The following UBA3 variants were observed in gnomAD, a reference collection of about 807,000 sequenced individuals.
UBA3 encodes the protein NEDD8-activating enzyme E1 catalytic subunit.
In UBA3, 26 loss-of-function variants were observed where a neutral mutation model predicts 73.5. The observed-to-expected ratio is 0.35, with a 90% CI of 0.26 to 0.49. UBA3 has a LOEUF of 0.49. UBA3 is among the 20% of genes least tolerant of loss of function. The pLI, the probability that UBA3 is intolerant of heterozygous loss-of-function variation, is 0.98. For missense variants in UBA3, 495 were observed against 555.6 expected (o/e 0.89, Z 1.10); for synonymous variants, 217 against 191.2 (o/e 1.13, Z -1.11).
rs151051627 is a variant in UBA3 at position 69,071,091 on chromosome 3, T to C, written c.347+444A>G. 469 of 159,166 alleles carry C rather than the reference T, an allele frequency of 2.9e-3. 3 individuals are homozygous for C. Among genetic ancestry groups the C allele is most frequent in the African/African-American group, 0.011 (454 of 41,598 alleles). 9.9% of individuals were successfully genotyped at this position (159,166 alleles called of 1,614,324 possible). ...CGACTTTCCATTTTCTTTCCCCTTG[T>C]AGGAAAAGCTCAAACTCTTTCCCAA... On this transcript the variant is annotated intron_variant, in intron 5 of 17. Coordinates refer to ENST00000361055, the MANE Select transcript of UBA3 (RefSeq NM_003968.4).
intron 4 of UBA3, among the ~76,000 whole-genome samples, chr3:69,073,018 T>C (rs2092134382): frequency 6.6e-6 from 1 of 151,850 alleles, no homozygotes; most frequent in South Asian, 2.1e-4. Flanking sequence ...CGTTGTCTCT[T>C]GTCTAGAGGA....
intron 2 of UBA3, chr3:69,079,796 C>T: frequency 2.5e-6 from 1 of 395,476 alleles, no homozygotes. Flanking sequence ...AGGGTCACTG[C>T]TCTGACAATT....
At chr3:69,076,840 G>A (rs563959740) in intron 3 of UBA3, among the ~76,000 whole-genome samples, 13 of 149,508 alleles carry the variant, frequency 8.7e-5, no homozygotes, top group African/African-American at 2.5e-4. Context: ...TGATCCTCCC[G>A]CCTTGACCTC....
At chr3:69,067,147 A>C (rs2092078555) in intron 6 of UBA3, among the ~76,000 whole-genome samples, 1 of 152,238 alleles carries the variant, frequency 6.6e-6, no homozygotes, top group Non-Finnish European at 1.5e-5. Flanking sequence ...ATATGTATAC[A>C]AATTTAGGGA....
At chr3:69,064,029 AAGAATC>A (rs1432425623) in intron 7 of UBA3, 33 bp downstream of exon 7, 2 of 1,549,338 alleles carry the variant, frequency 1.3e-6, no homozygotes, top group East Asian at 4.6e-5. Flanking sequence ...AAAAAATTCT[AAGAATC>A]TAGTGAGCAT....
rs1327258841 is a variant in UBA3, at chr3:69,061,917, T to C, written c.807A>G (p.Pro269=). 5 of 1,590,814 alleles carry C rather than the reference T, an allele frequency of 3.1e-6. No homozygotes were observed. The highest frequency in any genetic ancestry group is 1.7e-4 in the Middle Eastern group (1 of 5,924). Residue 269 remains proline (P), a synonymous_variant, in exon 11 of 18, where the codon CCA becomes CCG. Coordinates refer to ENST00000361055, the MANE Select transcript of UBA3 (RefSeq NM_003968.4). The stretch of plus-strand genomic sequence containing the variant: ...TATGTTCAGGATCATCTCCATCTAA[T>C]GGAACCCCTTCTGTTTAAAAAAAAA... ...PKEQPFGEGV[P]LDGDDPEHIQ...
chr3:69,078,035 G>C, intron 2 of UBA3, 117 bp from the exon 3 acceptor site: 1 of 1,277,218 alleles, frequency 7.8e-7, no homozygotes, highest in Non-Finnish European at 1.0e-6. Context: ...CAAATAAAAA[G>C]GAAAATATTC....
At chr3:69,059,221 T>C (rs1165963343) in intron 11 of UBA3, among the ~76,000 whole-genome samples, 3 of 152,044 alleles carry the variant, frequency 2.0e-5, no homozygotes, top group Non-Finnish European at 2.9e-5. Context: ...TGCAGTCCAT[T>C]AGAGAGAATG....
intron 9 of UBA3, 32 bp from the exon 10 acceptor site, chr3:69,062,211 T>G (rs2092027833): frequency 7.2e-7 from 1 of 1,387,378 alleles, no homozygotes; most frequent in African/African-American, 1.4e-5. Context: ...TTCAGTGAAT[T>G]TTAAACGAAT....
chr3:69,058,206 C>T (rs1468994119), intron 11 of UBA3, among the ~76,000 whole-genome samples: 1 of 152,152 alleles, frequency 6.6e-6, no homozygotes, highest in African/African-American at 2.4e-5. Context: ...CTGGGACTCA[C>T]ATTTTTCACA....
chr3:69,056,349 A>G, intron 14 of UBA3, 66 bp from the exon 15 acceptor site: 1 of 1,280,596 alleles, frequency 7.8e-7, no homozygotes, highest in Middle Eastern at 1.9e-4. Context: ...TTTATGAACA[A>G]TAAAATAAAA....
In UBA3 at chr3:69,077,888, A is replaced by G. The variant is rs993851670; in HGVS notation, c.93T>C (p.Thr31=). ...KMAVDGGCGD[T]GDWEGRWNHV... is the part of the protein sequence containing the mutation. ...GGTTCCAGCGACCTTCCCAGTCTCC[A>G]GTGTCCCCACACCCACCATCAACAG... The change falls in exon 3 of 18, where the codon ACT becomes ACC. Residue 31 remains threonine (T), a synonymous_variant. Transcript: ENST00000361055. 6.8e-6 allele frequency: 11 copies of G among 1,614,046 alleles called. 1 individual carries two copies. Among genetic ancestry groups the G allele is most frequent in the Admixed American group, 1.7e-5 (1 of 60,002 alleles).
chr3:69,076,007 C>T (rs550273297), intron 3 of UBA3, among the ~76,000 whole-genome samples: 1 of 152,152 alleles, frequency 6.6e-6, no homozygotes, highest in African/African-American at 2.4e-5. Flanking sequence ...TCTTGGATTA[C>T]AGGCATGAGG....
chr3:69,069,609 G>A (rs1213466860), intron 5 of UBA3, among the ~76,000 whole-genome samples: 6 of 152,168 alleles, frequency 3.9e-5, no homozygotes, highest in Non-Finnish European at 7.3e-5. Flanking sequence ...TTACAGGCAT[G>A]AGCCACCATG....
At chr3:69,072,000 G>A (rs2092125500) in intron 4 of UBA3, among the ~76,000 whole-genome samples, 2 of 152,004 alleles carry the variant, frequency 1.3e-5, no homozygotes, top group African/African-American at 4.8e-5. Context: ...AATTCTACAA[G>A]CTTTATTTTA....
At position 69,063,012 on chromosome 3, in the gene UBA3, G is replaced by C. The variant is rs370180950; in HGVS notation, c.663C>G (p.Ile221Met). Residue 221 changes from isoleucine to methionine, a missense_variant, in exon 9 of 18, where the codon ATC becomes ATG. Physicochemically the swap from Ile to Met is conservative, Grantham distance 10. Transcript: ENST00000361055. Reference sequence around the variant, plus strand: ...GTGGATAAAGTTCCAGCGTGCATTCGATACAAGCAGTCATTCCAGGCAGAA... The same window carrying C: ...GTGGATAAAGTTCCAGCGTGCATTCCATACAAGCAGTCATTCCAGGCAGAA... The part of the protein sequence containing the change: ...RVILPGMTAC[I>M]ECTLELYPPQ... 3 of 1,613,826 alleles carry C rather than the reference G, an allele frequency of 1.9e-6. No individual in the cohort carries two copies. Among genetic ancestry groups the C allele is most frequent in the Non-Finnish European group, 1.7e-6 (2 of 1,179,956 alleles).
chr3:69,063,225 T>C (rs550195611), intron 8 of UBA3, 88 bp from the exon 9 acceptor site: 24 of 1,517,114 alleles, frequency 1.6e-5, no homozygotes, highest in African/African-American at 1.4e-4. Flanking sequence ...TATGAGTCGG[T>C]TGTGCTATTG....
Position 69,062,132 on chromosome 3 carries a change from T to C in UBA3, c.741A>G (p.Glu247=), listed in dbSNP as rs1400533980. The change falls in exon 10 of 18, where the codon GAA becomes GAG. Residue 247 remains glutamate, a synonymous_variant. Coordinates refer to ENST00000361055, the MANE Select transcript of UBA3 (RefSeq NM_003968.4). ...CTIASMPRLP[E]HCIEYVRMLQ... Reference sequence around the variant, plus strand: ...ACATCCTTACATACTCAATACAGTGTTCTGGTAGCCTGGGCATAGATGCAA... The same window carrying C: ...ACATCCTTACATACTCAATACAGTGCTCTGGTAGCCTGGGCATAGATGCAA... 1 of 1,613,802 alleles carries C rather than the reference T, an allele frequency of 6.2e-7. No individual in the cohort carries two copies. The highest frequency in any genetic ancestry group is 1.3e-5 in the African/African-American group (1 of 75,046).
chr3:69,075,553 G>A (rs117173932), intron 3 of UBA3, 43 bp from the exon 4 acceptor site: 39 of 1,285,490 alleles, frequency 3.0e-5, no homozygotes, highest in Non-Finnish European at 3.5e-5. Context: ...GGTGATAACC[G>A]CAAAGACTAT....
Sources: gnomAD v4.1 joint callset for allele counts (sites outside exome capture counted in the v4.1 genomes callset) on GRCh38, gnomAD v4.1.1 for gene constraint, MANE v1.5 for transcripts, NCBI Gene and HGNC (gene_info 2026-07-23, HGNC 2026-07-21) for gene names.